The following RPGRIP1L variants were observed in gnomAD, a reference collection of about 807,000 sequenced individuals.
The protein encoded by RPGRIP1L is protein fantom.
A neutral mutation model predicts 160.4 loss-of-function variants in RPGRIP1L; 131 were observed. That is an observed-to-expected ratio of 0.82 (90% CI 0.71 to 0.94). RPGRIP1L has a LOEUF of 0.94. Ranked by LOEUF, RPGRIP1L falls within the 40% of genes least tolerant of loss-of-function variation. The pLI is 0.00. For missense variants in RPGRIP1L, 1,522 were observed against 1,535.8 expected, an observed-to-expected ratio of 0.99 and a Z score of 0.15; for synonymous variants, 510 against 515.8, an observed-to-expected ratio of 0.99 and a Z score of 0.15.
intron 10 of RPGRIP1L, among the ~76,000 whole-genome samples, chr16:53,662,631 G>C (rs1447447959): frequency 1.3e-5 from 2 of 151,910 alleles, no homozygotes; most frequent in South Asian, 4.1e-4. Flanking sequence ...AGACAGTTTC[G>C]GTTTTTTTGT....
intron 3 of RPGRIP1L, chr16:53,694,044 G>A (rs1381351215): frequency 6.6e-6 from 1 of 152,110 alleles, no homozygotes; most frequent in East Asian, 1.9e-4. Flanking sequence ...GCATCTGTTT[G>A]TCTCGTAATA....
intron 7 of RPGRIP1L, among the ~76,000 whole-genome samples, chr16:53,673,478 A>C (rs552953321): frequency 1.3e-5 from 2 of 151,144 alleles, no homozygotes; most frequent in Admixed American, 1.3e-4. Context: ...TTTGCATACA[A>C]TTAAGTTAAA....
At chr16:53,695,476 A>C in intron 3 of RPGRIP1L, 1 of 702,580 alleles carries the variant, frequency 1.4e-6, no homozygotes, top group Non-Finnish European at 2.6e-6. Flanking sequence ...ATAAATATGA[A>C]TACAGACCTG....
chr16:53,645,795 A>C lies in RPGRIP1L; in HGVS notation c.2513T>G (p.Phe838Cys). The C allele has an allele frequency of 6.2e-7, 1 of 1,614,068 alleles. No homozygotes were observed. Among genetic ancestry groups the C allele is most frequent in the Non-Finnish European group, 8.5e-7 (1 of 1,179,940 alleles). The change falls in exon 17 of 27, where the codon TTT becomes TGT. Residue 838 changes from phenylalanine to cysteine, a missense_variant. By Grantham distance (205) the Phe-to-Cys change is radical. Coordinates refer to ENST00000647211, the MANE Select transcript of RPGRIP1L (RefSeq NM_015272.5). ...CACTGGGAAATACATATGATCATCAAACTGTGGATCATTGCTACTGGGAAT... is the reference window on the plus strand; with the variant it reads ...CACTGGGAAATACATATGATCATCACACTGTGGATCATTGCTACTGGGAAT... ...AIIPSSNDPQ[F>C]DDHMYFPVPM...
At chr16:53,664,805 G>A in intron 10 of RPGRIP1L, 65 bp downstream of exon 10, 1 of 1,556,058 alleles carries the variant, frequency 6.4e-7, no homozygotes, top group East Asian at 2.2e-5. Context: ...AGTAAGTACT[G>A]ACTGATTCAA....
intron 13 of RPGRIP1L, 136 bp from the exon 14 acceptor site, chr16:53,656,725 A>G: frequency 1.5e-6 from 1 of 687,622 alleles, no homozygotes; most frequent in Non-Finnish European, 2.6e-6. Flanking sequence ...GACCTCAAGT[A>G]GCTTACACTT....
chr16:53,688,135 C>T (rs1023111617), intron 4 of RPGRIP1L, among the ~76,000 whole-genome samples, 170 bp from the exon 5 acceptor site: 39 of 152,034 alleles, frequency 2.6e-4, no homozygotes, highest in African/African-American at 9.4e-4. Context: ...GTGATCTCAG[C>T]CACCAGTAGG....
intron 24 of RPGRIP1L, among the ~76,000 whole-genome samples, chr16:53,613,843 A>G (rs1964200380): frequency 6.6e-6 from 1 of 152,158 alleles, no homozygotes; most frequent in Admixed American, 6.5e-5. Flanking sequence ...TAAGTACCTG[A>G]CCCACATTTT....
At chr16:53,698,324 G>T (rs1394870908) in intron 2 of RPGRIP1L, among the ~76,000 whole-genome samples, 2 of 143,450 alleles carry the variant, frequency 1.4e-5, no homozygotes, top group Non-Finnish European at 3.0e-5. Flanking sequence ...AGGTGGGGGG[G>T]TCAGCCCCCC....
intron 24 of RPGRIP1L, among the ~76,000 whole-genome samples, chr16:53,614,598 G>A (rs1194525877): frequency 2.6e-5 from 4 of 152,044 alleles, no homozygotes; most frequent in Non-Finnish European, 5.9e-5. Flanking sequence ...GAACACTTTG[G>A]CTGCCTCTGA....
At chr16:53,660,942 TG>T (rs1211097989) in intron 10 of RPGRIP1L, among the ~76,000 whole-genome samples, 3 of 151,240 alleles carry the variant, frequency 2.0e-5, no homozygotes, top group Non-Finnish European at 4.4e-5. Flanking sequence ...TTTGTCTTAT[TG>T]ATAGAAGGTT....
intron 23 of RPGRIP1L, among the ~76,000 whole-genome samples, chr16:53,620,597 T>C (rs1964644369): frequency 6.6e-6 from 1 of 152,206 alleles, no homozygotes. Context: ...ATCAAATGAC[T>C]GCCAAATGTC....
chr16:53,672,210 T>G (rs1968791411), intron 8 of RPGRIP1L, among the ~76,000 whole-genome samples: 1 of 152,196 alleles, frequency 6.6e-6, no homozygotes, highest in Non-Finnish European at 1.5e-5. Context: ...ACTCTAGTAT[T>G]TATTTTTAAG....
At chr16:53,698,640 C>T (rs1201681859) in intron 2 of RPGRIP1L, among the ~76,000 whole-genome samples, 2 of 132,804 alleles carry the variant, frequency 1.5e-5, no homozygotes, top group African/African-American at 5.8e-5. Context: ...CCCCTCTGCC[C>T]GGCCAGCCGC....
chr16:53,602,609 C>T (rs1375504896), intron 26 of RPGRIP1L, among the ~76,000 whole-genome samples: 1 of 152,004 alleles, frequency 6.6e-6, no homozygotes, highest in East Asian at 2.0e-4. Flanking sequence ...AACCCTGTCT[C>T]TACTAAAAAT....
chr16:53,677,547 G>A (rs1202530940), intron 6 of RPGRIP1L, among the ~76,000 whole-genome samples: 1 of 152,034 alleles, frequency 6.6e-6, no homozygotes, highest in Non-Finnish European at 1.5e-5. Context: ...ATGTGGTCTA[G>A]CCTTTAAGAA....
intron 10 of RPGRIP1L, among the ~76,000 whole-genome samples, chr16:53,662,038 A>G (rs1967843024): frequency 1.3e-5 from 2 of 152,208 alleles, no homozygotes; most frequent in African/African-American, 4.8e-5. Flanking sequence ...AGGCAAAATC[A>G]AAGCACTCTG....
chr16:53,702,784 C>T (rs1026419251), intron 1 of RPGRIP1L, among the ~76,000 whole-genome samples: 1 of 151,636 alleles, frequency 6.6e-6, no homozygotes, highest in Admixed American at 6.6e-5. Context: ...TCCCGAGTAG[C>T]TGGAACTACA....
At chr16:53,667,339 G>T (rs1386443663) in intron 9 of RPGRIP1L, among the ~76,000 whole-genome samples, 1 of 152,198 alleles carries the variant, frequency 6.6e-6, no homozygotes, top group Non-Finnish European at 1.5e-5. Flanking sequence ...GAGTTCATCT[G>T]CTTCCTAAGA....
Sources: gnomAD v4.1 joint callset for allele counts (sites outside exome capture counted in the v4.1 genomes callset) on GRCh38, gnomAD v4.1.1 for gene constraint, MANE v1.5 for transcripts, NCBI Gene and HGNC (gene_info 2026-07-23, HGNC 2026-07-21) for gene names.